CADPS2: variants seen among roughly 807,000 people sequenced by gnomAD.
CADPS2 encodes calcium-dependent secretion activator 2.
Under a neutral mutation model 172.5 loss-of-function variants are expected in CADPS2, and 93 were observed. The ratio of observed to expected loss-of-function variants is 0.54; its 90% CI spans 0.46 to 0.64. CADPS2 has a LOEUF of 0.64. Ranked by LOEUF, CADPS2 falls within the 30% of genes least tolerant of loss-of-function variation. The pLI, the probability that CADPS2 is intolerant of heterozygous loss-of-function variation, is 0.00. For synonymous variants in CADPS2, 546 were observed against 555.2 expected (o/e 0.98, Z 0.23); for missense variants, 1,420 against 1,565.9 (o/e 0.91, Z 1.57).
intron 9 of CADPS2, among the ~76,000 whole-genome samples, chr7:122,493,818 G>A (rs879941144): frequency 3.4e-5 from 5 of 148,844 alleles, no homozygotes; most frequent in East Asian, 3.9e-4. Flanking sequence ...AGAATTTTCC[G>A]TTATATTCGA....
At chr7:122,830,618 A>T (rs565215363) in intron 1 of CADPS2, among the ~76,000 whole-genome samples, 2 of 152,342 alleles carry the variant, frequency 1.3e-5, no homozygotes, top group South Asian at 4.1e-4. Context: ...ATGCAAAAAC[A>T]TTGGATTTCA....
chr7:122,438,234 C>G, intron 17 of CADPS2, 107 bp downstream of exon 17: 1 of 1,385,922 alleles, frequency 7.2e-7, no homozygotes, highest in Non-Finnish European at 1.0e-6. Context: ...TTTCCCTTTG[C>G]CATGGCACAG....
At chr7:122,581,825 A>G (rs2068865336) in intron 6 of CADPS2, among the ~76,000 whole-genome samples, 1 of 152,162 alleles carries the variant, frequency 6.6e-6, no homozygotes. Context: ...AATATGCATC[A>G]TAAGAATCTG....
At chr7:122,477,715 C>T (rs1054901377) in intron 12 of CADPS2, among the ~76,000 whole-genome samples, 1 of 152,056 alleles carries the variant, frequency 6.6e-6, no homozygotes, top group Non-Finnish European at 1.5e-5. Context: ...TTAAGGGATA[C>T]ATATAGACAG....
In CADPS2 at chr7:122,372,774, C is replaced by T. The variant is rs150109567; in HGVS notation, c.3387+6594G>A. On this transcript the variant is annotated intron_variant, in intron 25 of 29. Coordinates refer to ENST00000449022, the MANE Select transcript of CADPS2 (RefSeq NM_017954.11). ...GTGTAGTAACAGTTAATATAGAAAC[C>T]GCATATTTTAATTTTTATGGGCTGG... 6.8e-3 allele frequency among the ~76,000 whole-genome samples: 1,028 copies of T among 152,086 alleles called. 14 individuals carry two copies. Among genetic ancestry groups the T allele is most frequent in the Admixed American group, 0.014 (221 of 15,254 alleles).
intron 1 of CADPS2, among the ~76,000 whole-genome samples, chr7:122,743,785 T>C (rs1369646386): frequency 6.6e-6 from 1 of 152,176 alleles, no homozygotes; most frequent in Non-Finnish European, 1.5e-5. Context: ...CTTCCCTTCC[T>C]ATCAACACTG....
chr7:122,335,345 G>A (rs1403186874), intron 28 of CADPS2, among the ~76,000 whole-genome samples: 1 of 152,110 alleles, frequency 6.6e-6, no homozygotes, highest in African/African-American at 2.4e-5. Context: ...CACCTCCCGG[G>A]ATCAAGTGAT....
At chr7:122,844,085 A>G (rs560646972) in intron 1 of CADPS2, among the ~76,000 whole-genome samples, 1 of 152,350 alleles carries the variant, frequency 6.6e-6, no homozygotes, top group South Asian at 2.1e-4. Flanking sequence ...CCCCAGCCAC[A>G]GTGAGTCTGT....
rs77952985 is a variant in CADPS2 at position 122,782,704 on chromosome 7, A to C, written c.340-45636T>G. Reference sequence around the variant, plus strand: ...TGATAGATAAAATTATAGCACATCAACAGATACTAAGAAAGTATTTGGTCA... The same window carrying C: ...TGATAGATAAAATTATAGCACATCACCAGATACTAAGAAAGTATTTGGTCA... On this transcript the variant is annotated intron_variant, in intron 1 of 29. Transcript: ENST00000449022. Among the ~76,000 whole-genome samples the C allele has an allele frequency of 3.7e-3, 559 of 152,354 alleles. 11 individuals are homozygous for C. The highest frequency in any genetic ancestry group is 0.024 in the Admixed American group (372 of 15,308).
At chr7:122,649,566 G>C (rs2078918185) in intron 3 of CADPS2, among the ~76,000 whole-genome samples, 1 of 152,224 alleles carries the variant, frequency 6.6e-6, no homozygotes, top group Non-Finnish European at 1.5e-5. Flanking sequence ...TGAGGCCCAA[G>C]TATTAAAGCT....
At chr7:122,832,502 G>A (rs569479261) in intron 1 of CADPS2, among the ~76,000 whole-genome samples, 5 of 152,240 alleles carry the variant, frequency 3.3e-5, no homozygotes, top group East Asian at 1.9e-4. Flanking sequence ...AGATATAAGC[G>A]CATATTTCCC....
chr7:122,734,380 A>AAAAG (rs1157173846), intron 2 of CADPS2, among the ~76,000 whole-genome samples: 3 of 91,542 alleles, frequency 3.3e-5, no homozygotes, highest in Non-Finnish European at 7.5e-5. Flanking sequence ...AAAAAAAAAA[A>AAAAG]AAAAAAGAAA....
chr7:122,722,252 G>A (rs1399892791), intron 2 of CADPS2, among the ~76,000 whole-genome samples: 1 of 151,948 alleles, frequency 6.6e-6, no homozygotes. Flanking sequence ...AAGTCAAATT[G>A]TCCCTGTTTG....
chr7:122,689,763 T>C (rs971962517), intron 2 of CADPS2, among the ~76,000 whole-genome samples: 7 of 152,160 alleles, frequency 4.6e-5, no homozygotes, highest in African/African-American at 1.4e-4. Flanking sequence ...GTAGTGATCG[T>C]GTTATGTTTG....
intron 9 of CADPS2, among the ~76,000 whole-genome samples, chr7:122,494,323 A>C (rs976782461): frequency 1.3e-5 from 2 of 152,192 alleles, no homozygotes; most frequent in Non-Finnish European, 2.9e-5. Context: ...CAAATGGAGA[A>C]GTACTCAAAG....
intron 3 of CADPS2, among the ~76,000 whole-genome samples, chr7:122,662,716 G>A (rs887753582): frequency 6.6e-6 from 1 of 152,006 alleles, no homozygotes; most frequent in African/African-American, 2.4e-5. Context: ...CAACTGAAGA[G>A]AAAATATAAT....
chr7:122,320,402 C>CCTG, intron 29 of CADPS2, 64 bp from the exon 30 acceptor site: 1 of 1,273,564 alleles, frequency 7.9e-7, no homozygotes, highest in South Asian at 2.0e-5. Context: ...TAGATATATA[C>CCTG]TCAGTTGGCA....
chr7:122,789,863 G>A (rs1340191478), intron 1 of CADPS2, among the ~76,000 whole-genome samples: 1 of 151,948 alleles, frequency 6.6e-6, no homozygotes, highest in Non-Finnish European at 1.5e-5. Context: ...TTAAACATAG[G>A]AGCAATGCTG....
chr7:122,673,383 G>T (rs1248794891), intron 2 of CADPS2, among the ~76,000 whole-genome samples: 1 of 152,174 alleles, frequency 6.6e-6, no homozygotes, highest in Non-Finnish European at 1.5e-5. Context: ...TACAATCCCT[G>T]AGCTAGACAC....
Sources: gnomAD v4.1 joint callset for allele counts (sites outside exome capture counted in the v4.1 genomes callset) on GRCh38, gnomAD v4.1.1 for gene constraint, MANE v1.5 for transcripts, NCBI Gene and HGNC (gene_info 2026-07-23, HGNC 2026-07-21) for gene names.